Variants in POLK observed in about 807,000 individuals in gnomAD.
The protein encoded by POLK is DNA polymerase kappa.
Under a neutral mutation model 94.0 loss-of-function variants are expected in POLK, and 76 were observed. The observed-to-expected ratio is 0.81, with a 90% CI of 0.67 to 0.98. The LOEUF (loss-of-function observed/expected upper bound fraction) is 0.98. Among genes scored for constraint, POLK ranks in the 50% least tolerant of loss-of-function variants. The pLI is 0.00. For synonymous variants in POLK, 349 were observed against 325.4 expected (o/e 1.07, Z -0.78); for missense variants, 954 against 1,010.1 (o/e 0.94, Z 0.75).
rs886997035 is a variant in POLK, at chr5:75,532,694, A to C, written c.-13-14316A>C. ...TTCCACAATGCCTGAACTAATTTAC[A>C]TTCCCACCAGTAGTGTATGAGTGTT... On this transcript the variant is annotated intron_variant, in intron 1 of 14. Transcript: ENST00000241436. 2.6e-5 allele frequency among the ~76,000 whole-genome samples: 4 copies of C among 152,210 alleles called. No homozygotes were observed. In the East Asian group the frequency reaches 5.8e-4, roughly 22 times the overall value.
rs151176935 is a variant in POLK, at chr5:75,514,793, G to A, written c.-14+2879G>A. ...GGTGGCAGGCTAGCTTGACCCCAGA[G>A]GTTTGAGGCTGTAGTGAGCTGTGAT... On this transcript the variant is annotated intron_variant, in intron 1 of 14. Coordinates refer to ENST00000241436, the Ensembl canonical transcript of POLK. Among the ~76,000 whole-genome samples, 97 of 152,082 alleles carry A rather than the reference G, an allele frequency of 6.4e-4. No individual in the cohort carries two copies. The East Asian group carries it at 0.016, about 25-fold the overall frequency.
intron 3 of POLK, among the ~76,000 whole-genome samples, chr5:75,560,544 G>A (rs1037543167): frequency 6.6e-6 from 1 of 152,054 alleles, no homozygotes; most frequent in African/African-American, 2.4e-5. Context: ...TATACTTTAA[G>A]TTCTGGGATA....
At chr5:75,520,795 G>A (rs1768540165) in intron 1 of POLK, among the ~76,000 whole-genome samples, 1 of 152,144 alleles carries the variant, frequency 6.6e-6, no homozygotes, top group Non-Finnish European at 1.5e-5. Context: ...CTTGTAAAAT[G>A]AGTCTGGTGA....
intron 3 of POLK, among the ~76,000 whole-genome samples, chr5:75,556,703 ATCTTTTTT>A (rs1268053462): frequency 6.8e-6 from 1 of 148,004 alleles, no homozygotes; most frequent in Non-Finnish European, 1.5e-5. Context: ...AAATAACTTC[ATCTTTTTT>A]TCTTTTTTTT....
intron 1 of POLK, among the ~76,000 whole-genome samples, chr5:75,541,556 A>C (rs1769742828): frequency 1.3e-5 from 2 of 152,198 alleles, no homozygotes; most frequent in African/African-American, 2.4e-5. Context: ...AGTAGAAGAG[A>C]ATACATGCAT....
At chr5:75,511,611 C>A (rs1295115420), upstream of POLK, 28 of 1,470,406 alleles carry the variant, frequency 1.9e-5, no homozygotes, top group Admixed American at 6.2e-4. Flanking sequence ...CCGCCATCTT[C>A]CTGCCTGGCC....
chr5:75,536,887 G>A (rs746054072), intron 1 of POLK, among the ~76,000 whole-genome samples: 15 of 152,172 alleles, frequency 9.9e-5, no homozygotes, highest in African/African-American at 1.4e-4. Context: ...TGACGGGGGC[G>A]GGTAGGGTCA....
intron 4 of POLK, among the ~76,000 whole-genome samples, 181 bp from the exon 5 acceptor site, chr5:75,573,557 A>C (rs1771711754): frequency 6.6e-6 from 1 of 152,218 alleles, no homozygotes. Flanking sequence ...TCATTAATAA[A>C]AAACAATGCT....
intron 9 of POLK, 120 bp downstream of exon 9, chr5:75,585,046 C>A: frequency 1.5e-6 from 1 of 680,140 alleles, no homozygotes; most frequent in Non-Finnish European, 2.6e-6. Context: ...TAGTTTAATT[C>A]AAAATATAAT....
At chr5:75,536,885 G>T (rs902632767) in intron 1 of POLK, among the ~76,000 whole-genome samples, 1 of 152,226 alleles carries the variant, frequency 6.6e-6, no homozygotes, top group Admixed American at 6.5e-5. Context: ...AGTGACGGGG[G>T]CGGGTAGGGT....
intron 10 of POLK, among the ~76,000 whole-genome samples, chr5:75,589,378 TATACACACATACACACACAC>T (rs1324671516): frequency 1.9e-5 from 2 of 103,044 alleles, no homozygotes; most frequent in African/African-American, 8.0e-5. Flanking sequence ...ATTTTATATA[TATACACACATACACACACAC>T]ACACACACAC....
chr5:75,567,142 C>T (rs1771319712), intron 3 of POLK, among the ~76,000 whole-genome samples: 1 of 152,152 alleles, frequency 6.6e-6, no homozygotes, highest in African/African-American at 2.4e-5. Flanking sequence ...TTGCTGAAGA[C>T]ATTATTATAG....
intron 7 of POLK, chr5:75,581,994 G>C (rs1303967805): frequency 2.0e-6 from 2 of 985,028 alleles, no homozygotes; most frequent in Non-Finnish European, 2.4e-6. Context: ...ATTTCATATA[G>C]CTATCTTTTT....
exon 5 of POLK, chr5:75,573,785 G>A (rs1266725766): frequency 6.2e-7 from 1 of 1,612,854 alleles, no homozygotes; most frequent in Admixed American, 1.7e-5. Flanking sequence ...GTGCAGCCAT[G>A]CCAGGATTTA....
intron 1 of POLK, among the ~76,000 whole-genome samples, chr5:75,524,196 G>A (rs1374819303): frequency 6.6e-6 from 1 of 152,066 alleles, no homozygotes; most frequent in Non-Finnish European, 1.5e-5. Flanking sequence ...AGCAGGAGTA[G>A]GAGGATGTGC....
At chr5:75,572,229 C>A (rs182821208) in intron 4 of POLK, among the ~76,000 whole-genome samples, 1 of 152,296 alleles carries the variant, frequency 6.6e-6, no homozygotes, top group Admixed American at 6.5e-5. Flanking sequence ...AAGCAATATT[C>A]TCCTTTTTAC....
At chr5:75,583,672 G>T (rs1047329060) in intron 8 of POLK, among the ~76,000 whole-genome samples, 22 of 152,066 alleles carry the variant, frequency 1.4e-4, no homozygotes, top group African/African-American at 5.3e-4. Flanking sequence ...AAGGAGAAGG[G>T]AAATTAAAAG....
At chr5:75,597,954 A>G (rs879132322) in exon 15 of POLK, 2 of 1,502,816 alleles carry the variant, frequency 1.3e-6, no homozygotes, top group Admixed American at 2.0e-5. Context: ...ATGACAAAGT[A>G]CTCAACATCA....
At chr5:75,526,087 T>A (rs958470464) in intron 1 of POLK, among the ~76,000 whole-genome samples, 6 of 152,228 alleles carry the variant, frequency 3.9e-5, no homozygotes, top group East Asian at 1.9e-4. Flanking sequence ...ACCATTTATA[T>A]ATGCATGTTT....
Sources: allele counts gnomAD v4.1 joint callset (sites outside exome capture counted in the v4.1 genomes callset), GRCh38; gene constraint gnomAD v4.1.1; transcripts MANE v1.5; gene names NCBI Gene and HGNC (gene_info 2026-07-23, HGNC 2026-07-21).